The following PVT1 variants were observed in gnomAD, a reference collection of about 807,000 sequenced individuals.
PVT1 encodes the protein CXCR4/PVT1 fusion.
chr8:127,956,506 G>A (rs924609566), intron 3 of PVT1, among the ~76,000 whole-genome samples: 2 of 152,244 alleles, frequency 1.3e-5, no homozygotes, highest in Admixed American at 1.3e-4. Flanking sequence ...TGTTTTTTGA[G>A]ACGAAGTCTC....
At chr8:127,893,354 G>T (rs549369660) in intron 3 of PVT1, among the ~76,000 whole-genome samples, 2 of 152,166 alleles carry the variant, frequency 1.3e-5, no homozygotes, top group South Asian at 4.2e-4. Context: ...TCGGCTCACT[G>T]CAACCTCCAC....
At chr8:127,996,998 C>G (rs1302254747) in intron 4 of PVT1, among the ~76,000 whole-genome samples, 1 of 150,018 alleles carries the variant, frequency 6.7e-6, no homozygotes, top group Non-Finnish European at 1.5e-5. Context: ...GATTTCAGCT[C>G]TACCCATGGG....
chr8:127,999,875 A>G (rs1485400046), intron 4 of PVT1, among the ~76,000 whole-genome samples: 4 of 152,250 alleles, frequency 2.6e-5, no homozygotes, highest in Non-Finnish European at 4.4e-5. Flanking sequence ...GGCTGAGAAC[A>G]TTGGACTTTT....
intron 3 of PVT1, among the ~76,000 whole-genome samples, chr8:127,900,910 C>T (rs73707113): frequency 0.014 from 2,073 of 152,296 alleles, 56 homozygotes; most frequent in African/African-American, 0.047. Context: ...GCATGCCCCA[C>T]ACCATGTACC....
intron 2 of PVT1, among the ~76,000 whole-genome samples, chr8:127,873,995 A>T (rs1815379088): frequency 1.3e-5 from 2 of 152,188 alleles, no homozygotes; most frequent in Admixed American, 1.3e-4. Flanking sequence ...TATCTGGGAG[A>T]TGTAGAATTT....
intron 5 of PVT1, among the ~76,000 whole-genome samples, chr8:128,073,660 TTG>T (rs1329758337): frequency 3.3e-5 from 5 of 152,112 alleles, no homozygotes; most frequent in African/African-American, 1.2e-4. Flanking sequence ...CCATTTCAAC[TTG>T]TGAGGAAGGG....
intron 2 of PVT1, among the ~76,000 whole-genome samples, chr8:127,868,065 A>G (rs531412277): frequency 3.0e-4 from 46 of 152,140 alleles, no homozygotes; most frequent in Non-Finnish European, 5.7e-4. Context: ...TGAAATAGAT[A>G]TTTATTTTGC....
chr8:127,860,913 T>C (rs1815221301), intron 2 of PVT1, among the ~76,000 whole-genome samples: 1 of 152,124 alleles, frequency 6.6e-6, no homozygotes, highest in Non-Finnish European at 1.5e-5. Flanking sequence ...AGAGTGTCTT[T>C]CACATTGAAA....
intron 4 of PVT1, among the ~76,000 whole-genome samples, chr8:128,066,117 G>T (rs1406176214): frequency 1.3e-5 from 2 of 152,252 alleles, no homozygotes; most frequent in Non-Finnish European, 2.9e-5. Flanking sequence ...GTTCTTGCTA[G>T]TTGAATGGAT....
intron 3 of PVT1, among the ~76,000 whole-genome samples, chr8:127,897,635 GACAA>G (rs1815697417): frequency 7.3e-6 from 1 of 136,312 alleles, no homozygotes; most frequent in South Asian, 2.3e-4. Flanking sequence ...AAGAAAGACA[GACAA>G]AGAAAGAAAG....
At chr8:127,994,502 A>G (rs1025679793) in intron 4 of PVT1, among the ~76,000 whole-genome samples, 1 of 152,226 alleles carries the variant, frequency 6.6e-6, no homozygotes, top group Non-Finnish European at 1.5e-5. Flanking sequence ...AAAGCCTTCA[A>G]AATATACAGA....
intron 2 of PVT1, among the ~76,000 whole-genome samples, chr8:127,812,742 G>A (rs779949938): frequency 7.3e-5 from 11 of 151,562 alleles, no homozygotes; most frequent in African/African-American, 2.4e-4. Context: ...GGAAAAAACC[G>A]GTCGGCTATC....
intron 2 of PVT1, among the ~76,000 whole-genome samples, chr8:127,838,896 A>G (rs1317381037): frequency 6.6e-6 from 1 of 152,128 alleles, no homozygotes; most frequent in Non-Finnish European, 1.5e-5. Flanking sequence ...GCCCTATGAG[A>G]TTATAATACA....
At chr8:127,899,650 A>G (rs1815734046) in intron 3 of PVT1, among the ~76,000 whole-genome samples, 1 of 152,092 alleles carries the variant, frequency 6.6e-6, no homozygotes, top group African/African-American at 2.4e-5. Context: ...CTGACTTTTG[A>G]TTATTTGGGG....
At chr8:128,063,375 G>A (rs912451708) in intron 4 of PVT1, among the ~76,000 whole-genome samples, 2 of 152,048 alleles carry the variant, frequency 1.3e-5, no homozygotes, top group South Asian at 2.1e-4. Context: ...AGCCAGGTGC[G>A]GTGGAGGACG....
At chr8:128,014,100 A>G (rs1034743254) in intron 4 of PVT1, among the ~76,000 whole-genome samples, 2 of 152,178 alleles carry the variant, frequency 1.3e-5, no homozygotes, top group African/African-American at 4.8e-5. Context: ...TGGGCCTGAG[A>G]TAAATGGGTC....
intron 2 of PVT1, among the ~76,000 whole-genome samples, chr8:127,844,596 C>T (rs908386707): frequency 6.6e-6 from 1 of 152,214 alleles, no homozygotes; most frequent in Non-Finnish European, 1.5e-5. Context: ...GCCAGAGATC[C>T]CTGTGTTAAC....
At chr8:127,972,661 C>G (rs964748549) in intron 3 of PVT1, among the ~76,000 whole-genome samples, 10 of 152,066 alleles carry the variant, frequency 6.6e-5, no homozygotes, top group African/African-American at 2.4e-4. Context: ...ATCACTTGAA[C>G]CCAGGAGGCA....
rs1291169872 is a variant in PVT1, at chr8:127,898,212, AAAAGAAAGAAAAG to A, written n.782+7226_782+7238del. 2.2e-4 allele frequency among the ~76,000 whole-genome samples: 33 copies of A among 151,480 alleles called. No homozygotes were observed. The highest frequency in any genetic ancestry group is 6.8e-4 in the African/African-American group (28 of 40,920). On this transcript the variant is annotated intron_variant and non_coding_transcript_variant, in intron 3 of 10. Transcript: ENST00000651587. This position sits in a 1 kb window ranked among gnomAD's most constrained non-coding sequence, Gnocchi z 4.4. ...TTGTACCTGCGTGAAGAAAGAAGAG[AAAAGAAAGAAAAG>A]AAAGAAAGAAAGAAAGAAACGAAGG...
Sources: allele counts gnomAD v4.1 joint callset (sites outside exome capture counted in the v4.1 genomes callset), GRCh38; gene constraint gnomAD v4.1.1; non-coding constraint Gnocchi (gnomAD v3.1); transcripts MANE v1.5; gene names NCBI Gene and HGNC (gene_info 2026-07-23, HGNC 2026-07-21).